Variants in MYO1H observed in about 807,000 individuals in gnomAD.
MYO1H encodes the protein myosin IH.
Under a neutral mutation model 149.3 loss-of-function variants are expected in MYO1H, and 118 were observed. The observed-to-expected ratio is 0.79, with a 90% CI of 0.68 to 0.92. The LOEUF is 0.92. MYO1H is among the 40% of genes least tolerant of loss of function. The pLI is 0.00. For missense variants in MYO1H, 1,212 were observed against 1,280.7 expected (o/e 0.95, Z 0.82); for synonymous variants, 447 against 465.2 (o/e 0.96, Z 0.50).
chr12:109,318,974 T>TTTTTTTTTTTTTTTTG, the MYO1H span, among the ~76,000 whole-genome samples: 18 of 83,422 alleles, frequency 2.2e-4, 1 homozygote, highest in East Asian at 5.5e-4. Flanking sequence ...TTGGTTTTGT[T>TTTTTTTTTTTTTTTTG]TTTTTTTTTT....
At chr12:109,410,214 T>G in intron 12 of MYO1H, 146 bp downstream of exon 12, 1 of 476,248 alleles carries the variant, frequency 2.1e-6, no homozygotes, top group South Asian at 4.7e-5. Flanking sequence ...CAATCATGAC[T>G]GGTTGCAACC....
chr12:109,443,237 C>T (rs1242020152), intron 27 of MYO1H, among the ~76,000 whole-genome samples: 28 of 74,684 alleles, frequency 3.7e-4, no homozygotes, highest in African/African-American at 4.4e-4. Context: ...TATATGTGTA[C>T]GTATATGTGT....
chr12:109,310,873 C>T, the MYO1H span, among the ~76,000 whole-genome samples: 1 of 152,152 alleles, frequency 6.6e-6, no homozygotes, highest in Non-Finnish European at 1.5e-5. Flanking sequence ...ATGAAACTTT[C>T]TCAGTTTTCA....
At chr12:109,337,719 G>T in the MYO1H span, among the ~76,000 whole-genome samples, 4 of 152,280 alleles carry the variant, frequency 2.6e-5, no homozygotes, top group African/African-American at 9.6e-5. Flanking sequence ...TGAGATTTGG[G>T]TGGGGACACA....
intron 2 of MYO1H, among the ~76,000 whole-genome samples, chr12:109,389,142 T>C (rs1312731942): frequency 1.3e-5 from 2 of 152,212 alleles, no homozygotes; most frequent in East Asian, 3.9e-4. Flanking sequence ...TCTCAATCTC[T>C]GCTCTGCTTT....
At chr12:109,418,934 CAA>C in intron 15 of MYO1H, among the ~76,000 whole-genome samples, 1 of 151,972 alleles carries the variant, frequency 6.6e-6, no homozygotes, top group Admixed American at 6.6e-5. Flanking sequence ...TCTTTGAATG[CAA>C]AGTGACAAAA....
chr12:109,362,924 A>G (rs1036821398), intron 1 of MYO1H, among the ~76,000 whole-genome samples: 6 of 152,230 alleles, frequency 3.9e-5, no homozygotes, highest in African/African-American at 9.7e-5. Flanking sequence ...AATTATGCCA[A>G]GAAGGAATAA....
chr12:109,333,879 C>A, the MYO1H span, among the ~76,000 whole-genome samples: 1 of 152,092 alleles, frequency 6.6e-6, no homozygotes, highest in African/African-American at 2.4e-5. Flanking sequence ...ACCTCATGAA[C>A]CCTCCTACCA....
At chr12:109,444,483 G>T in exon 30 of MYO1H, 2 of 1,613,990 alleles carry the variant, frequency 1.2e-6, no homozygotes, top group Non-Finnish European at 1.7e-6. Context: ...TACTAAACTC[G>T]TCATGCTGGT....
At chr12:109,410,795 G>A (rs373098440) in intron 13 of MYO1H, 27 bp downstream of exon 13, 4 of 1,403,174 alleles carry the variant, frequency 2.9e-6, no homozygotes, top group Admixed American at 1.9e-5. Context: ...TTGCATTAGA[G>A]CTATTCACCC....
At chr12:109,404,951 C>T (rs1435484931) in intron 7 of MYO1H, among the ~76,000 whole-genome samples, 2 of 151,566 alleles carry the variant, frequency 1.3e-5, no homozygotes, top group African/African-American at 4.9e-5. Context: ...TGGCTCACAC[C>T]TGTAATCCTG....
chr12:109,440,806 C>A lies in MYO1H; in HGVS notation c.2517C>A (p.Ile839=), dbSNP rs761089594. The A allele has an allele frequency of 3.8e-5, 59 of 1,561,708 alleles. 1 individual carries two copies. In the Admixed American group the frequency reaches 1.1e-3, roughly 29 times the overall value. Residue 839 remains isoleucine (I), a synonymous_variant, in exon 25 of 32, where the codon ATC becomes ATA. Transcript: ENST00000310903. ...TGGTGCAGAAGTACTGCCGCGGGAT[C>A]ACAGCTGAGCGGAAAGCAATGGTAG...
chr12:109,375,052 G>C (rs571046115), intron 1 of MYO1H, among the ~76,000 whole-genome samples: 2 of 151,652 alleles, frequency 1.3e-5, no homozygotes, highest in Non-Finnish European at 2.9e-5. Context: ...ACGGGGTTTC[G>C]CCATGTTGGC....
At chr12:109,445,308 C>T (rs1872432068) in intron 30 of MYO1H, 1 of 507,596 alleles carries the variant, frequency 2.0e-6, no homozygotes, top group Non-Finnish European at 3.5e-6. Flanking sequence ...CTCATTTGAT[C>T]TCATGGTAAC....
intron 1 of MYO1H, among the ~76,000 whole-genome samples, chr12:109,366,771 G>C (rs1002160906): frequency 1.3e-5 from 2 of 152,240 alleles, no homozygotes; most frequent in African/African-American, 4.8e-5. Context: ...CAAGAAGCAT[G>C]ATGGATGTGG....
Position 109,412,121 on chromosome 12 carries a change from T to C in MYO1H, c.1502+136T>C, listed in dbSNP as rs1007625313. The C allele has an allele frequency of 1.7e-4, 101 of 584,728 alleles. 1 individual carries two copies. Among genetic ancestry groups the C allele is most frequent in the African/African-American group, 1.3e-3 (69 of 51,984 alleles). 36.2% of individuals were successfully genotyped at this position (584,728 alleles called of 1,614,324 possible). On this transcript the variant is annotated intron_variant, in intron 14 of 31. Transcript: ENST00000310903. Reference sequence around the variant, plus strand: ...TATCTTTATGTATACCACTCATAGATGTGCCAGACCTTTGTTAGTAGAAAT... The same window carrying C: ...TATCTTTATGTATACCACTCATAGACGTGCCAGACCTTTGTTAGTAGAAAT...
At chr12:109,412,977 GTTGTTA>G (rs573858856) in intron 14 of MYO1H, among the ~76,000 whole-genome samples, 4,401 of 150,558 alleles carry the variant, frequency 0.029, 208 homozygotes, top group African/African-American at 0.1. Context: ...TGTTGTTGTT[GTTGTTA>G]TTATTATTAT....
intron 25 of MYO1H, among the ~76,000 whole-genome samples, chr12:109,441,064 T>G (rs1592821397): frequency 2.0e-5 from 3 of 152,250 alleles, no homozygotes; most frequent in Admixed American, 6.5e-5. Context: ...CAACGGCTCC[T>G]GCCATCCATC....
the MYO1H span, among the ~76,000 whole-genome samples, chr12:109,333,339 G>C: frequency 6.6e-6 from 1 of 151,748 alleles, no homozygotes; most frequent in African/African-American, 2.4e-5. Context: ...AAGTTCAGAT[G>C]TTACCTAGAG....
Sources: gnomAD v4.1 joint callset for allele counts (sites outside exome capture counted in the v4.1 genomes callset) on GRCh38, gnomAD v4.1.1 for gene constraint, MANE v1.5 for transcripts, NCBI Gene and HGNC (gene_info 2026-07-23, HGNC 2026-07-21) for gene names.